PBK: variants seen among roughly 807,000 people sequenced by gnomAD.
The protein encoded by PBK is lymphokine-activated killer T-cell-originated protein kinase.
Under a neutral mutation model 33.5 loss-of-function variants are expected in PBK, and 22 were observed. The observed-to-expected ratio is 0.66, with a 90% CI of 0.47 to 0.94. The LOEUF (loss-of-function observed/expected upper bound fraction) is 0.94. PBK is among the 40% of genes least tolerant of loss of function. The probability of loss-of-function intolerance (pLI) is 0.00; values close to 1 mark genes in which losing one functional copy is unlikely to be tolerated. For missense variants in PBK, 376 were observed against 383.4 expected (o/e 0.98, Z 0.16); for synonymous variants, 129 against 123.8 (o/e 1.04, Z -0.28).
intron 3 of PBK, among the ~76,000 whole-genome samples, chr8:27,823,748 T>C (rs1805974406): frequency 6.6e-6 from 1 of 152,040 alleles, no homozygotes; most frequent in Non-Finnish European, 1.5e-5. Context: ...ATGATGAACA[T>C]ACAAATGAGA....
intron 5 of PBK, among the ~76,000 whole-genome samples, chr8:27,821,246 AAAAT>A (rs1467553084): frequency 6.6e-6 from 1 of 152,104 alleles, no homozygotes; most frequent in Non-Finnish European, 1.5e-5. Flanking sequence ...TTATACTTAT[AAAAT>A]AAATAATTAT....
intron 5 of PBK, among the ~76,000 whole-genome samples, chr8:27,822,004 C>T (rs1226747992): frequency 2.6e-5 from 4 of 152,196 alleles, no homozygotes; most frequent in Non-Finnish European, 4.4e-5. Context: ...CCTAGGAGAA[C>T]TGGGCTATAT....
At chr8:27,836,644 G>A (rs142240401) in intron 1 of PBK, among the ~76,000 whole-genome samples, 1 of 152,078 alleles carries the variant, frequency 6.6e-6, no homozygotes, top group Non-Finnish European at 1.5e-5. Context: ...ACCCTGGCGC[G>A]TAGAGTGTCC....
At chr8:27,822,195 C>T (rs1001913357) in intron 5 of PBK, 124 bp downstream of exon 5, 1 of 697,654 alleles carries the variant, frequency 1.4e-6, no homozygotes, top group African/African-American at 1.8e-5. Context: ...TTCCGCTAAC[C>T]CCTTTTTGGA....
intron 6 of PBK, among the ~76,000 whole-genome samples, chr8:27,820,238 C>T (rs1236586152): frequency 6.6e-6 from 1 of 152,158 alleles, no homozygotes; most frequent in East Asian, 1.9e-4. Context: ...CTAAATAAAC[C>T]GCTTTACACA....
intron 6 of PBK, among the ~76,000 whole-genome samples, chr8:27,815,989 A>G (rs1805803097): frequency 2.6e-5 from 4 of 152,190 alleles, no homozygotes; most frequent in Admixed American, 2.6e-4. Flanking sequence ...TACTACATTC[A>G]AAGAGTTTAA....
chr8:27,823,860 G>T (rs1462210483), intron 3 of PBK, among the ~76,000 whole-genome samples: 1 of 152,062 alleles, frequency 6.6e-6, no homozygotes, highest in Non-Finnish European at 1.5e-5. Context: ...GTCAGGGAAA[G>T]GTTTACCTGA....
At chr8:27,811,316 T>G (rs144506074) in intron 6 of PBK, 182 bp from the exon 7 acceptor site, 18 of 615,024 alleles carry the variant, frequency 2.9e-5, no homozygotes, top group South Asian at 2.2e-4. Context: ...TTGGTAAATA[T>G]TCAAGAAGCT....
chr8:27,825,139 T>G (rs1409642375), intron 3 of PBK, among the ~76,000 whole-genome samples: 1 of 152,134 alleles, frequency 6.6e-6, no homozygotes, highest in Non-Finnish European at 1.5e-5. Flanking sequence ...TGCTTGCAAG[T>G]TATTTAAAAA....
In PBK at chr8:27,822,573, G is replaced by A; in HGVS notation, c.296-85C>T. ...TTTATAGTAACGTGATTGAAAATAT[G>A]GATCTGGACTAACGCTGACAAATAT... On this transcript the variant is annotated intron_variant, in intron 4 of 7. Transcript: ENST00000301905. 5 of 835,962 alleles carry A rather than the reference G, an allele frequency of 6.0e-6. No individual in the cohort carries two copies. The South Asian group carries it at 9.4e-5, about 16-fold the overall frequency. 51.8% of individuals were successfully genotyped at this position (835,962 alleles called of 1,614,324 possible). A position where few individuals can be genotyped will look rare whatever the true frequency, so the allele number is the denominator to read the frequency against.
At chr8:27,824,981 C>G (rs1805998601) in intron 3 of PBK, among the ~76,000 whole-genome samples, 1 of 151,860 alleles carries the variant, frequency 6.6e-6, no homozygotes, top group African/African-American at 2.4e-5. Flanking sequence ...TTGTTTTTAT[C>G]CTTTCCAAGC....
In PBK at chr8:27,826,795, CAAAAAA is replaced by C. The variant is rs5890381; in HGVS notation, c.152+1304_152+1309del. ...TGGGCGACAGAGCGAGACTCCGTCT[CAAAAAA>C]AAAAAAAAAAAAAAAGATCAGCTAT... On this transcript the variant is annotated intron_variant, in intron 3 of 7. Coordinates refer to ENST00000301905, the MANE Select transcript of PBK (RefSeq NM_018492.4). Among the ~76,000 whole-genome samples, 6 of 66,238 alleles carry C rather than the reference CAAAAAA, an allele frequency of 9.1e-5. 1 individual carries two copies. In the East Asian group the frequency reaches 3.9e-3, roughly 43 times the overall value. The allele number at this position is 66,238 out of a possible 152,430, so 43.5% of individuals were successfully genotyped here. A position where few individuals can be genotyped will look rare whatever the true frequency, so the allele number is the denominator to read the frequency against.
At chr8:27,822,171 G>A (rs1805941162) in intron 5 of PBK, 148 bp downstream of exon 5, 2 of 603,810 alleles carry the variant, frequency 3.3e-6, no homozygotes, top group Non-Finnish European at 5.8e-6. Flanking sequence ...AGAAATGTAA[G>A]CCTCTATTTT....
chr8:27,830,517 G>A (rs974564834), intron 2 of PBK, among the ~76,000 whole-genome samples: 2 of 152,140 alleles, frequency 1.3e-5, no homozygotes, highest in Admixed American at 1.3e-4. Context: ...TCCAACAATA[G>A]ACAATTACAT....
At chr8:27,826,092 C>A (rs542777990) in intron 3 of PBK, among the ~76,000 whole-genome samples, 73 of 152,106 alleles carry the variant, frequency 4.8e-4, no homozygotes, top group African/African-American at 1.7e-3. Flanking sequence ...GGACAGATAA[C>A]ATAAAACGGA....
At chr8:27,830,186 G>C (rs1026461902) in intron 2 of PBK, among the ~76,000 whole-genome samples, 15 of 124,994 alleles carry the variant, frequency 1.2e-4, no homozygotes, top group Non-Finnish European at 1.9e-4. Context: ...CTGGGTGACA[G>C]AGCAAGATTC....
At chr8:27,815,216 T>G (rs1805786990) in intron 6 of PBK, among the ~76,000 whole-genome samples, 1 of 152,030 alleles carries the variant, frequency 6.6e-6, no homozygotes, top group Non-Finnish European at 1.5e-5. Context: ...GAAGGAAAAG[T>G]GAGAATCCAT....
intron 2 of PBK, among the ~76,000 whole-genome samples, chr8:27,829,668 C>A (rs1449013624): frequency 6.6e-6 from 1 of 150,756 alleles, no homozygotes; most frequent in Non-Finnish European, 1.5e-5. Flanking sequence ...GAGTTCGAGA[C>A]CAGCCTGGCC....
chr8:27,824,253 G>C (rs1805985820), intron 3 of PBK, among the ~76,000 whole-genome samples: 1 of 152,040 alleles, frequency 6.6e-6, no homozygotes, highest in Admixed American at 6.5e-5. Context: ...CAAATTTCAA[G>C]GGTTGAAAGT....
Sources: gnomAD v4.1 joint callset for allele counts (sites outside exome capture counted in the v4.1 genomes callset) on GRCh38, gnomAD v4.1.1 for gene constraint, MANE v1.5 for transcripts, NCBI Gene and HGNC (gene_info 2026-07-23, HGNC 2026-07-21) for gene names.